The following EYA2 variants were observed in gnomAD, a reference collection of about 807,000 sequenced individuals.
EYA2 encodes protein phosphatase EYA2.
EYA2 carries 31 observed loss-of-function variants against 69.2 expected under a neutral mutation model. That is an observed-to-expected ratio of 0.45 (90% confidence interval 0.34 to 0.60). The LOEUF is 0.60. EYA2 is among the 20% of genes least tolerant of loss of function. The pLI is 0.02. For missense variants in EYA2, 622 were observed against 701.2 expected (o/e 0.89, Z 1.28); for synonymous variants, 257 against 279.4 (o/e 0.92, Z 0.80).
chr20:47,179,530 G>A (rs1219724477), intron 12 of EYA2, among the ~76,000 whole-genome samples: 2 of 117,290 alleles, frequency 1.7e-5, no homozygotes, highest in African/African-American at 6.4e-5. Context: ...AGGTGGGTAG[G>A]TAGATAGATG....
At chr20:46,924,510 A>G (rs1330190692) in intron 1 of EYA2, among the ~76,000 whole-genome samples, 1 of 152,078 alleles carries the variant, frequency 6.6e-6, no homozygotes, top group African/African-American at 2.4e-5. Context: ...CTGTACTAAA[A>G]ATACAAAAAA....
At chr20:47,017,891 G>A (rs1216072391) in intron 5 of EYA2, among the ~76,000 whole-genome samples, 4 of 152,226 alleles carry the variant, frequency 2.6e-5, no homozygotes, top group Non-Finnish European at 5.9e-5. Context: ...TGTGTCAGAT[G>A]TCTTGGGGGC....
chr20:46,957,227 C>G (rs905759548), intron 1 of EYA2, among the ~76,000 whole-genome samples: 1 of 152,186 alleles, frequency 6.6e-6, no homozygotes, highest in African/African-American at 2.4e-5. Context: ...TTTACCCCTG[C>G]GGGTTACTGT....
chr20:46,959,553 C>T (rs548161186), intron 1 of EYA2, among the ~76,000 whole-genome samples: 7 of 152,168 alleles, frequency 4.6e-5, no homozygotes, highest in African/African-American at 1.7e-4. Flanking sequence ...ATTCCATTCC[C>T]GCCTCCCACG....
intron 9 of EYA2, among the ~76,000 whole-genome samples, chr20:47,137,877 A>G (rs1600735651): frequency 6.6e-6 from 1 of 152,112 alleles, no homozygotes; most frequent in South Asian, 2.1e-4. Context: ...TTCTCAGTAA[A>G]CTATCGCAAG....
chr20:47,099,280 G>A (rs905516015), intron 9 of EYA2, among the ~76,000 whole-genome samples: 4 of 152,244 alleles, frequency 2.6e-5, no homozygotes, highest in Non-Finnish European at 5.9e-5. Flanking sequence ...CTTGGTGGCT[G>A]ACACCTATAA....
At chr20:47,006,751 TCA>T (rs1982741029) in intron 4 of EYA2, among the ~76,000 whole-genome samples, 1 of 152,070 alleles carries the variant, frequency 6.6e-6, no homozygotes, top group African/African-American at 2.4e-5. Context: ...AGCACTAGAC[TCA>T]CAGTTTTGGT....
At chr20:47,175,391 A>C (rs1306916494) in intron 12 of EYA2, among the ~76,000 whole-genome samples, 2 of 152,110 alleles carry the variant, frequency 1.3e-5, no homozygotes, top group Admixed American at 6.6e-5. Flanking sequence ...TCCATCTACC[A>C]CTTCCCATGT....
At chr20:46,967,934 A>T (rs1250888044) in intron 1 of EYA2, among the ~76,000 whole-genome samples, 1 of 152,224 alleles carries the variant, frequency 6.6e-6, no homozygotes, top group Admixed American at 6.5e-5. Flanking sequence ...GCTCGATCTT[A>T]TCTGGCTGAC....
At chr20:46,905,737 C>T (rs1328686177) in intron 1 of EYA2, among the ~76,000 whole-genome samples, 2 of 152,094 alleles carry the variant, frequency 1.3e-5, no homozygotes, top group South Asian at 2.1e-4. Context: ...TGTGTGTCTT[C>T]GGGCAGATCA....
chr20:46,996,031 G>A (rs1981996669), intron 2 of EYA2, among the ~76,000 whole-genome samples: 1 of 152,220 alleles, frequency 6.6e-6, no homozygotes, highest in Non-Finnish European at 1.5e-5. Flanking sequence ...GACCCCTTAA[G>A]CCTATCTGTT....
chr20:47,006,600 C>A (rs1214008696), intron 4 of EYA2, among the ~76,000 whole-genome samples: 2 of 152,182 alleles, frequency 1.3e-5, no homozygotes, highest in African/African-American at 4.8e-5. Flanking sequence ...TCCTCCATAC[C>A]TCTGCCCTGT....
intron 4 of EYA2, among the ~76,000 whole-genome samples, chr20:47,011,695 C>T (rs1350112644): frequency 6.6e-6 from 1 of 152,106 alleles, no homozygotes; most frequent in East Asian, 1.9e-4. Context: ...GTCTCTTCCT[C>T]CCTGGGACCT....
chr20:46,941,388 C>T (rs1248670862), intron 1 of EYA2, among the ~76,000 whole-genome samples: 1 of 152,234 alleles, frequency 6.6e-6, no homozygotes, highest in African/African-American at 2.4e-5. Flanking sequence ...CTCTTCTGCT[C>T]CTCAGCTGTG....
At chr20:47,109,198 A>G (rs924454504) in intron 9 of EYA2, among the ~76,000 whole-genome samples, 1 of 152,124 alleles carries the variant, frequency 6.6e-6, no homozygotes, top group Non-Finnish European at 1.5e-5. Context: ...CAACCAGCCA[A>G]TTCCTCCTGA....
chr20:47,059,628 C>T (rs1275573787), intron 5 of EYA2, among the ~76,000 whole-genome samples: 1 of 152,242 alleles, frequency 6.6e-6, no homozygotes, highest in Non-Finnish European at 1.5e-5. Flanking sequence ...GGATTATAGG[C>T]ATGAGCCACT....
intron 5 of EYA2, among the ~76,000 whole-genome samples, chr20:47,043,865 G>C (rs1485265203): frequency 6.6e-6 from 1 of 152,166 alleles, no homozygotes; most frequent in Non-Finnish European, 1.5e-5. Flanking sequence ...AGCAGTTTTT[G>C]AGTAGTTCTT....
chr20:47,159,832 A>T (rs1215073067), intron 10 of EYA2, among the ~76,000 whole-genome samples: 4 of 152,046 alleles, frequency 2.6e-5, no homozygotes, highest in Admixed American at 2.0e-4. Flanking sequence ...TCTACTAAAA[A>T]TACAAAAATT....
chr20:47,041,123 C>T (rs1415622222), intron 5 of EYA2, among the ~76,000 whole-genome samples: 2 of 152,146 alleles, frequency 1.3e-5, no homozygotes, highest in African/African-American at 2.4e-5. Flanking sequence ...TCCTGCCAGC[C>T]CGCTGAAGCA....
Sources: gnomAD v4.1 joint callset for allele counts (sites outside exome capture counted in the v4.1 genomes callset) on GRCh38, gnomAD v4.1.1 for gene constraint, MANE v1.5 for transcripts, NCBI Gene and HGNC (gene_info 2026-07-23, HGNC 2026-07-21) for gene names.